STK17A: variants seen among roughly 807,000 people sequenced by gnomAD.
The protein encoded by STK17A is serine/threonine kinase 17a.
Under a neutral mutation model 43.7 loss-of-function variants are expected in STK17A, and 26 were observed. The observed-to-expected ratio is 0.60, with a 90% CI of 0.44 to 0.83. The LOEUF is 0.83. STK17A is among the 40% of genes least tolerant of loss of function. STK17A has a pLI of 0.00. For missense variants in STK17A, 476 were observed against 511.6 expected, an observed-to-expected ratio of 0.93 and a Z score of 0.67; for synonymous variants, 191 against 182.5, an observed-to-expected ratio of 1.05 and a Z score of -0.38.
At chr7:43,603,571 G>A (rs925430656) in intron 2 of STK17A, among the ~76,000 whole-genome samples, 17 of 152,178 alleles carry the variant, frequency 1.1e-4, no homozygotes, top group African/African-American at 3.4e-4. Context: ...AACTTTGAGC[G>A]CTAACCTGAT....
rs199987361 is a variant in STK17A, at chr7:43,624,613, A to C, written c.1016A>C (p.Glu339Ala). The change falls in exon 7 of 7, where the codon GAA (glutamate) becomes GCA (alanine). Residue 339 changes from glutamate (E) to alanine (A), a missense_variant. Transcript: ENST00000319357. ...TTCAGGATGGAAAAGGCACTAGAAG[A>C]AGCAAATGCCCTCCAAGAAGGTCAT... The part of the protein sequence containing the change: ...PSFRMEKALE[E>A]ANALQEGHSV... 5.9e-4 allele frequency: 954 copies of C among 1,614,168 alleles called. 9 individuals carry two copies. In the South Asian group the frequency reaches 9.3e-3, roughly 16 times the overall value.
At position 43,607,647 on chromosome 7, in the gene STK17A, C is replaced by CAAA. The variant is rs760624386; in HGVS notation, c.420-589_420-587dup. ...CTGGTGACAGAGCAAGACTCCGTCTCAAAAAAAAAAAAAAAAAAAAAAGCA... is the reference window on the plus strand; with the variant it reads ...CTGGTGACAGAGCAAGACTCCGTCTCAAAAAAAAAAAAAAAAAAAAAAAAAGCA... On this transcript the variant is annotated intron_variant, in intron 2 of 6. Transcript: ENST00000319357. Among the ~76,000 whole-genome samples the CAAA allele has an allele frequency of 1.1e-3, 57 of 54,118 alleles. 1 individual carries two copies. The highest frequency in any genetic ancestry group is 5.5e-3 in the East Asian group (9 of 1,644). 35.5% of individuals were successfully genotyped at this position (54,118 alleles called of 152,430 possible). A position where few individuals can be genotyped will look rare whatever the true frequency, so the allele number is the denominator to read the frequency against.
intron 3 of STK17A, among the ~76,000 whole-genome samples, chr7:43,616,457 A>G (rs1366003837): frequency 1.3e-5 from 2 of 152,202 alleles, no homozygotes; most frequent in Non-Finnish European, 2.9e-5. Context: ...ACAGTGACAA[A>G]AGAGTAATCA....
intron 2 of STK17A, among the ~76,000 whole-genome samples, chr7:43,607,370 C>T (rs1401601498): frequency 6.6e-6 from 1 of 151,070 alleles, no homozygotes. Flanking sequence ...AGAATGGGGC[C>T]GGGCATGGTG....
chr7:43,585,546 A>T (rs1205872879), intron 1 of STK17A, among the ~76,000 whole-genome samples: 1 of 151,598 alleles, frequency 6.6e-6, no homozygotes, highest in African/African-American at 2.4e-5. Flanking sequence ...TAAATACTTG[A>T]TATAAGAGCC....
chr7:43,592,790 C>T (rs919056595), intron 1 of STK17A, among the ~76,000 whole-genome samples: 3 of 151,994 alleles, frequency 2.0e-5, no homozygotes, highest in Admixed American at 6.6e-5. Context: ...TGCTTGAACC[C>T]GAGAAGCGGA....
chr7:43,599,950 T>TGA (rs936139335), intron 2 of STK17A, among the ~76,000 whole-genome samples: 2 of 152,170 alleles, frequency 1.3e-5, no homozygotes, highest in Non-Finnish European at 2.9e-5. Context: ...GTCCCAGCTC[T>TGA]GAGAGAGAGA....
intron 3 of STK17A, among the ~76,000 whole-genome samples, chr7:43,612,336 C>T (rs555468083): frequency 6.6e-6 from 1 of 152,256 alleles, no homozygotes; most frequent in South Asian, 2.1e-4. Flanking sequence ...ACCATGCATG[C>T]GGGAGTGATT....
Position 43,589,856 on chromosome 7 carries a change from T to C in STK17A, c.207-6045T>C, listed in dbSNP as rs1436863731. Among the ~76,000 whole-genome samples, 4 of 151,334 alleles carry C rather than the reference T, an allele frequency of 2.6e-5. 1 individual carries two copies. Among genetic ancestry groups the C allele is most frequent in the African/African-American group, 4.8e-5 (2 of 41,372 alleles). On this transcript the variant is annotated intron_variant, in intron 1 of 6. Coordinates refer to ENST00000319357, the MANE Select transcript of STK17A (RefSeq NM_004760.3). ...TTTCTAGTTATCACTGGCAATCCAC[T>C]CTTCACAACACTATTAGAATTACCT... is the stretch of plus-strand genomic sequence containing the variant.
intron 3 of STK17A, among the ~76,000 whole-genome samples, chr7:43,611,963 G>C (rs2082917496): frequency 6.6e-6 from 1 of 152,160 alleles, no homozygotes; most frequent in Non-Finnish European, 1.5e-5. Flanking sequence ...ATGGATCTTT[G>C]ATGTTACTTG....
At chr7:43,590,208 A>G (rs2082471224) in intron 1 of STK17A, among the ~76,000 whole-genome samples, 1 of 151,306 alleles carries the variant, frequency 6.6e-6, no homozygotes, top group African/African-American at 2.4e-5. Flanking sequence ...AGCCTCCGAA[A>G]GTGCTGGTAT....
intron 2 of STK17A, among the ~76,000 whole-genome samples, chr7:43,607,896 CTG>C (rs1193419913): frequency 2.0e-5 from 3 of 152,160 alleles, no homozygotes; most frequent in Non-Finnish European, 4.4e-5. Flanking sequence ...GCTTAGTAAA[CTG>C]TACATTACAT....
chr7:43,597,664 G>A (rs988440531), intron 2 of STK17A, among the ~76,000 whole-genome samples: 18 of 152,106 alleles, frequency 1.2e-4, no homozygotes, highest in African/African-American at 3.6e-4. Context: ...GTTTACAGGC[G>A]TGAGCCCAGC....
At chr7:43,616,221 C>T (rs2083328559) in intron 3 of STK17A, among the ~76,000 whole-genome samples, 1 of 152,186 alleles carries the variant, frequency 6.6e-6, no homozygotes, top group African/African-American at 2.4e-5. Context: ...CGCCTGAGCA[C>T]TTTGTATATA....
At chr7:43,612,280 G>A (rs978334607) in intron 3 of STK17A, among the ~76,000 whole-genome samples, 30 of 152,148 alleles carry the variant, frequency 2.0e-4, no homozygotes, top group African/African-American at 7.2e-4. Flanking sequence ...ACATGTCTCT[G>A]AGTCAACTAC....
intron 3 of STK17A, among the ~76,000 whole-genome samples, chr7:43,618,530 A>C (rs563919622): frequency 1.2e-4 from 18 of 152,158 alleles, no homozygotes; most frequent in Non-Finnish European, 1.9e-4. Flanking sequence ...TTTGTAATTT[A>C]CCAGTGTTTC....
chr7:43,616,052 C>T (rs2152994765), intron 3 of STK17A, among the ~76,000 whole-genome samples: 1 of 152,288 alleles, frequency 6.6e-6, no homozygotes, highest in East Asian at 1.9e-4. Flanking sequence ...AAAGAGAGGA[C>T]TGGTGTCTTG....
chr7:43,593,548 G>GT (rs1017633905), intron 1 of STK17A, among the ~76,000 whole-genome samples: 2 of 152,124 alleles, frequency 1.3e-5, no homozygotes, highest in African/African-American at 4.8e-5. Context: ...AACATTTGTT[G>GT]TTTTTTAACT....
At chr7:43,598,041 C>T (rs2082531167) in intron 2 of STK17A, among the ~76,000 whole-genome samples, 1 of 152,108 alleles carries the variant, frequency 6.6e-6, no homozygotes, top group Non-Finnish European at 1.5e-5. Flanking sequence ...AATTTTAATA[C>T]ATGACATTTC....
Sources: allele counts gnomAD v4.1 joint callset (sites outside exome capture counted in the v4.1 genomes callset), GRCh38; gene constraint gnomAD v4.1.1; transcripts MANE v1.5; gene names NCBI Gene and HGNC (gene_info 2026-07-23, HGNC 2026-07-21).